Variants in CNKSR2 observed in about 807,000 individuals in gnomAD.
CNKSR2 encodes the protein connector enhancer of kinase suppressor of Ras 2.
CNKSR2 carries 14 observed loss-of-function variants against 84.4 expected under a neutral mutation model. That is an observed-to-expected ratio of 0.17 (90% CI 0.11 to 0.26). The LOEUF (loss-of-function observed/expected upper bound fraction) is 0.26. CNKSR2 is among the 10% of genes least tolerant of loss of function. CNKSR2 has a pLI of 1.00. For synonymous variants in CNKSR2, 275 were observed against 277.9 expected (o/e 0.99, Z 0.10); for missense variants, 485 against 771.2 (o/e 0.63, Z 4.40).
intron 4 of CNKSR2, among the ~76,000 whole-genome samples, chrX:21,444,592 A>C (rs2090827451): frequency 9.0e-6 from 1 of 110,705 alleles, no homozygotes. Flanking sequence ...TCTGGCATAT[A>C]GTGGGAGCTT....
rs745747735 is a variant in CNKSR2 at position 21,490,432 on chromosome X, C to T, written c.562-27C>T. On this transcript the variant is annotated intron_variant, in intron 5 of 21. Transcript: ENST00000379510. ...TGTTACTTACAACACGTATTTACCA[C>T]AACTATTTTTGTTTTTGTGCTTCCA... 74 of 1,180,368 alleles carry T rather than the reference C, an allele frequency of 6.3e-5. No homozygotes were observed. The South Asian group carries it at 1.1e-3, about 17-fold the overall frequency.
At chrX:21,642,997 T>A (rs937531437) in intron 20 of CNKSR2, 1 of 187,964 alleles carries the variant, frequency 5.3e-6, no homozygotes, top group African/African-American at 3.1e-5. Context: ...TATGGGATTG[T>A]CTTGGGTCAT....
chrX:21,642,898 G>T (rs1311107807), intron 20 of CNKSR2: 1 of 669,341 alleles, frequency 1.5e-6, no homozygotes, highest in Non-Finnish European at 1.8e-6. Flanking sequence ...ATTTTAATGT[G>T]TTTTTTAAAA....
At chrX:21,491,620 T>C (rs996194171) in intron 6 of CNKSR2, 3 of 111,910 alleles carry the variant, frequency 2.7e-5, no homozygotes, top group Non-Finnish European at 5.7e-5. Flanking sequence ...TTCCTAGTGC[T>C]GTTGTGGCTT....
chrX:21,635,408 G>GTATATGTGTATA (rs1569286609), intron 20 of CNKSR2, among the ~76,000 whole-genome samples: 23 of 88,496 alleles, frequency 2.6e-4, no homozygotes, highest in African/African-American at 1.1e-3. Flanking sequence ...GTGTGTGTGT[G>GTATATGTGTATA]TATATATACA....
chrX:21,381,082 A>G (rs1296840003), intron 1 of CNKSR2, among the ~76,000 whole-genome samples: 1 of 112,280 alleles, frequency 8.9e-6, no homozygotes, highest in Non-Finnish European at 1.9e-5. Context: ...ATTCCTCAAA[A>G]TGGTATATTT....
chrX:21,541,214 C>G (rs943606956), intron 11 of CNKSR2, among the ~76,000 whole-genome samples: 1 of 111,374 alleles, frequency 9.0e-6, no homozygotes, highest in African/African-American at 3.3e-5. Flanking sequence ...ATCTCTTGAC[C>G]TCGTGATCTG....
At chrX:21,543,068 T>C (rs1459719081) in intron 11 of CNKSR2, among the ~76,000 whole-genome samples, 1 of 112,653 alleles carries the variant, frequency 8.9e-6, no homozygotes, top group Non-Finnish European at 1.9e-5. Flanking sequence ...TATAGCAGTA[T>C]GATGAAGGGC....
intron 20 of CNKSR2, chrX:21,643,085 C>CTT (rs2092696812): frequency 9.1e-6 from 1 of 110,164 alleles, no homozygotes; most frequent in East Asian, 2.8e-4. Flanking sequence ...AATATAGTGA[C>CTT]TCCACATTAA....
At chrX:21,472,324 A>C (rs1437387009) in intron 5 of CNKSR2, among the ~76,000 whole-genome samples, 3 of 111,861 alleles carry the variant, frequency 2.7e-5, no homozygotes, top group African/African-American at 9.8e-5. Flanking sequence ...TGGGTTCTTC[A>C]TTGTGTTTAC....
intron 5 of CNKSR2, among the ~76,000 whole-genome samples, chrX:21,475,752 T>A (rs987301488): frequency 1.8e-5 from 2 of 111,736 alleles, no homozygotes; most frequent in East Asian, 5.6e-4. Flanking sequence ...TGAAAACTTG[T>A]TATAGCCTAG....
chrX:21,609,376 G>T lies in CNKSR2; in HGVS notation c.2451G>T (p.Leu817=). The change falls in exon 20 of 22, where the codon CTG becomes CTT. Residue 817 remains leucine, a synonymous_variant. Transcript: ENST00000379510. ...QSTLPTQKCH[L]QDHYGPYPLA... ...CCCTGCCAACTCAGAAATGCCACCT[G>T]CAGGATCACTATGGGCCATACCCCT... The T allele has an allele frequency of 8.3e-7, 1 of 1,211,837 alleles. No homozygotes were observed. The highest frequency in any genetic ancestry group is 1.8e-5 in the South Asian group (1 of 56,981).
At chrX:21,587,044 T>C (rs1199167364) in intron 13 of CNKSR2, among the ~76,000 whole-genome samples, 1 of 111,867 alleles carries the variant, frequency 8.9e-6, no homozygotes, top group Admixed American at 9.5e-5. Context: ...AGATAAATTG[T>C]AACCTAGACA....
At chrX:21,501,295 A>G (rs371775626) in intron 7 of CNKSR2, among the ~76,000 whole-genome samples, 33 of 109,920 alleles carry the variant, frequency 3.0e-4, no homozygotes, top group Non-Finnish European at 5.8e-4. Flanking sequence ...ATAGAATGCA[A>G]ACTATTTTTT....
chrX:21,415,827 CATATAT>C (rs199961889), intron 1 of CNKSR2, among the ~76,000 whole-genome samples: 1 of 70,310 alleles, frequency 1.4e-5, no homozygotes, highest in Non-Finnish European at 2.6e-5. Flanking sequence ...TACATATATA[CATATAT>C]ACACACACAC....
intron 20 of CNKSR2, chrX:21,645,538 T>A (rs995704636): frequency 8.9e-6 from 1 of 111,898 alleles, no homozygotes; most frequent in Non-Finnish European, 1.9e-5. Flanking sequence ...GTGATTTGAA[T>A]GTGGTCTCTA....
At position 21,535,371 on chromosome X, in the gene CNKSR2, G is replaced by T. The variant is rs1288507231; in HGVS notation, c.1303+3304G>T. 2.7e-5 allele frequency among the ~76,000 whole-genome samples: 3 copies of T among 109,689 alleles called. 1 individual carries two copies. In the East Asian group the frequency reaches 8.5e-4, roughly 31 times the overall value. On this transcript the variant is annotated intron_variant, in intron 11 of 21. Transcript: ENST00000379510. ...CTTTGGCTATTTGGGGTATTTTATG[G>T]TTCCATACAAATTTTGGATTTTTTT...
intron 5 of CNKSR2, among the ~76,000 whole-genome samples, chrX:21,482,691 G>C (rs965328826): frequency 8.9e-6 from 1 of 112,200 alleles, no homozygotes; most frequent in Non-Finnish European, 1.9e-5. Flanking sequence ...CTCAGTGTCA[G>C]TGATGGTAAG....
At chrX:21,519,426 C>T (rs1414395487) in intron 9 of CNKSR2, among the ~76,000 whole-genome samples, 1 of 110,661 alleles carries the variant, frequency 9.0e-6, no homozygotes, top group Admixed American at 9.6e-5. Context: ...TCTGAGGTCA[C>T]CTTTTCTTCA....
Sources: gnomAD v4.1 joint callset for allele counts (sites outside exome capture counted in the v4.1 genomes callset) on GRCh38, gnomAD v4.1.1 for gene constraint, MANE v1.5 for transcripts, NCBI Gene and HGNC (gene_info 2026-07-23, HGNC 2026-07-21) for gene names.